The following OPRD1 variants were observed in gnomAD, a reference collection of about 807,000 sequenced individuals.
OPRD1 encodes the protein delta-type opioid receptor.
In OPRD1, 19 loss-of-function variants were observed where a neutral mutation model predicts 17.5. The observed-to-expected ratio is 1.09, with a 90% CI of 0.76 to 1.60. The LOEUF (loss-of-function observed/expected upper bound fraction) is 1.60, where lower values mean the gene tolerates loss of function less well. OPRD1 is among the 40% of genes most tolerant of loss of function. OPRD1 has a pLI of 0.00. For missense variants in OPRD1, 483 were observed against 547.2 expected (o/e 0.88, Z 1.17); for synonymous variants, 256 against 240.9 (o/e 1.06, Z -0.58).
In OPRD1 at chr1:28,812,180, G is replaced by T; in HGVS notation, c.-204G>T. The T allele has an allele frequency of 1.1e-5, 2 of 174,474 alleles. No individual in the cohort carries two copies. Among genetic ancestry groups the T allele is most frequent in the South Asian group, 3.5e-4 (2 of 5,722 alleles). 10.8% of individuals were successfully genotyped at this position (174,474 alleles called of 1,614,324 possible). A position where few individuals can be genotyped will look rare whatever the true frequency, so the allele number is the denominator to read the frequency against. On this transcript the variant is annotated 5_prime_UTR_variant, in exon 1 of 3. Coordinates refer to ENST00000234961, the MANE Select transcript of OPRD1 (RefSeq NM_000911.4). The stretch of plus-strand genomic sequence containing the variant: ...GGCTGCTCCTGGCTCACAGCGCTCC[G>T]GGCGAGGAGAGCGGGCGGACGCCGG...
chr1:28,842,349 G>A (rs541803271), intron 1 of OPRD1, among the ~76,000 whole-genome samples: 2 of 152,306 alleles, frequency 1.3e-5, no homozygotes, highest in South Asian at 2.1e-4. Flanking sequence ...GCATTTAGAC[G>A]TCGGCCGCTC....
chr1:28,846,891 T>TTTC (rs1316992296), intron 1 of OPRD1, among the ~76,000 whole-genome samples: 564 of 55,766 alleles, frequency 0.01, 4 homozygotes, highest in African/African-American at 0.02. Context: ...TCTTTCTTTC[T>TTTC]TTTCTCTTTC....
intron 2 of OPRD1, among the ~76,000 whole-genome samples, chr1:28,860,226 G>A (rs1217247571): frequency 2.0e-5 from 3 of 152,234 alleles, no homozygotes; most frequent in East Asian, 1.9e-4. Context: ...TTAGCCAGGC[G>A]TGGTGGTGGG....
chr1:28,829,535 T>C (rs759979370), intron 1 of OPRD1, among the ~76,000 whole-genome samples: 2 of 151,810 alleles, frequency 1.3e-5, no homozygotes, highest in Non-Finnish European at 2.9e-5. Flanking sequence ...CACCAGCTAA[T>C]TTTTTGTATT....
intron 1 of OPRD1, among the ~76,000 whole-genome samples, chr1:28,829,648 C>T (rs1412619116): frequency 1.3e-5 from 2 of 151,650 alleles, no homozygotes; most frequent in Non-Finnish European, 2.9e-5. Context: ...GGATTACAGG[C>T]GTGAGCCACC....
At chr1:28,820,864 G>A (rs1459133313) in intron 1 of OPRD1, among the ~76,000 whole-genome samples, 3 of 151,894 alleles carry the variant, frequency 2.0e-5, no homozygotes, top group African/African-American at 4.8e-5. Flanking sequence ...GCCTCCCAAA[G>A]TGCTGGGATT....
intron 2 of OPRD1, 134 bp from the exon 3 acceptor site, chr1:28,862,608 G>A: frequency 1.3e-6 from 1 of 779,450 alleles, no homozygotes; most frequent in Non-Finnish European, 2.0e-6. Context: ...CCAGACAGAA[G>A]AATCCCCTTG....
intron 1 of OPRD1, among the ~76,000 whole-genome samples, chr1:28,836,785 C>T (rs979129554): frequency 3.2e-4 from 48 of 152,132 alleles, no homozygotes; most frequent in African/African-American, 1.1e-3. Flanking sequence ...GAACACAGCT[C>T]ATGACTTCCT....
chr1:28,824,322 T>C (rs2088744987), intron 1 of OPRD1, among the ~76,000 whole-genome samples: 1 of 135,970 alleles, frequency 7.4e-6, no homozygotes, highest in African/African-American at 3.2e-5. Context: ...TCTTTTTTTT[T>C]TTTTTTTTTT....
At chr1:28,838,084 A>C (rs1302064785) in intron 1 of OPRD1, among the ~76,000 whole-genome samples, 1 of 151,890 alleles carries the variant, frequency 6.6e-6, no homozygotes, top group East Asian at 1.9e-4. Flanking sequence ...ATGTCATAGT[A>C]GCATTCGATA....
At chr1:28,860,053 C>G (rs959760203) in intron 2 of OPRD1, among the ~76,000 whole-genome samples, 4 of 152,098 alleles carry the variant, frequency 2.6e-5, no homozygotes, top group Non-Finnish European at 5.9e-5. Context: ...GGAGAGGGAG[C>G]GAGGAGAAAG....
At chr1:28,831,437 A>T (rs868139627) in intron 1 of OPRD1, among the ~76,000 whole-genome samples, 6 of 150,986 alleles carry the variant, frequency 4.0e-5, no homozygotes, top group Middle Eastern at 6.8e-3. Context: ...TGAACTTGGG[A>T]GGTGGAGGTT....
intron 1 of OPRD1, among the ~76,000 whole-genome samples, chr1:28,812,963 G>A (rs1377786503): frequency 6.6e-6 from 1 of 152,148 alleles, no homozygotes; most frequent in Non-Finnish European, 1.5e-5. Context: ...TGTATGTTTG[G>A]ACGTCGGAAA....
intron 1 of OPRD1, among the ~76,000 whole-genome samples, chr1:28,833,192 A>C (rs1171979055): frequency 6.6e-6 from 1 of 152,218 alleles, no homozygotes; most frequent in Non-Finnish European, 1.5e-5. Context: ...TGAGACTCAG[A>C]GATGAAAGAC....
intron 1 of OPRD1, among the ~76,000 whole-genome samples, chr1:28,842,153 C>T (rs968714224): frequency 2.6e-5 from 4 of 152,132 alleles, no homozygotes; most frequent in African/African-American, 9.7e-5. Flanking sequence ...CCTCAGCCTC[C>T]GGGGTAGCTG....
intron 1 of OPRD1, among the ~76,000 whole-genome samples, chr1:28,824,820 C>G (rs1025995994): frequency 2.0e-5 from 3 of 152,028 alleles, no homozygotes; most frequent in African/African-American, 7.2e-5. Flanking sequence ...GAGTGTTGTT[C>G]TGAACCCAGA....
chr1:28,824,862 C>T (rs577016396), intron 1 of OPRD1, among the ~76,000 whole-genome samples: 11 of 148,904 alleles, frequency 7.4e-5, no homozygotes, highest in Non-Finnish European at 1.6e-4. Context: ...GACGGAGTCT[C>T]GCTCTGTTGC....
chr1:28,858,008 G>A (rs956999295), intron 1 of OPRD1, among the ~76,000 whole-genome samples: 1 of 151,828 alleles, frequency 6.6e-6, no homozygotes, highest in Non-Finnish European at 1.5e-5. Context: ...GGTTGGTCAG[G>A]ATGGTCTCAA....
chr1:28,862,207 G>T lies in OPRD1; in HGVS notation c.578-535G>T, dbSNP rs151065143. 5.3e-3 allele frequency among the ~76,000 whole-genome samples: 809 copies of T among 152,140 alleles called. 6 individuals carry two copies. Among genetic ancestry groups the T allele is most frequent in the African/African-American group, 0.015 (607 of 41,506 alleles). On this transcript the variant is annotated intron_variant, in intron 2 of 2. Transcript: ENST00000234961. ...GCTGGGATTACAGGCGTGAACTACC[G>T]CACCTGTCCGCCTTAGCCTATTTAA...
Sources: allele counts gnomAD v4.1 joint callset (sites outside exome capture counted in the v4.1 genomes callset), GRCh38; gene constraint gnomAD v4.1.1; transcripts MANE v1.5; gene names NCBI Gene and HGNC (gene_info 2026-07-23, HGNC 2026-07-21).